VWA8: variants seen among roughly 807,000 people sequenced by gnomAD.
VWA8 encodes the protein von Willebrand factor A domain containing 8.
In VWA8, 221 loss-of-function variants were observed where a neutral mutation model predicts 241.5. The ratio of observed to expected loss-of-function variants is 0.91; its 90% CI spans 0.82 to 1.02. The LOEUF (loss-of-function observed/expected upper bound fraction) is 1.02. Ranked by LOEUF, VWA8 falls within the 50% of genes least tolerant of loss-of-function variation. The pLI, the probability that VWA8 is intolerant of heterozygous loss-of-function variation, is 0.00. For synonymous variants in VWA8, 852 were observed against 827.1 expected (o/e 1.03, Z -0.52); for missense variants, 2,322 against 2,328.7 (o/e 1.00, Z 0.06).
chr13:41,738,077 A>G (rs2045539173), intron 21 of VWA8, among the ~76,000 whole-genome samples: 1 of 152,200 alleles, frequency 6.6e-6, no homozygotes, highest in Non-Finnish European at 1.5e-5. Flanking sequence ...TAAGGAAGAC[A>G]AAAGAGCAAG....
At chr13:41,863,819 G>A (rs934894048) in intron 12 of VWA8, among the ~76,000 whole-genome samples, 2 of 152,080 alleles carry the variant, frequency 1.3e-5, no homozygotes, top group Non-Finnish European at 2.9e-5. Flanking sequence ...CTACTTGAGA[G>A]GGGGCTGTGG....
intron 16 of VWA8, among the ~76,000 whole-genome samples, chr13:41,814,388 C>G (rs1289560957): frequency 6.6e-6 from 1 of 152,140 alleles, no homozygotes; most frequent in Non-Finnish European, 1.5e-5. Flanking sequence ...AAGAGAGAAA[C>G]TAAGGGACAA....
At chr13:41,764,668 A>C (rs2045767134) in intron 20 of VWA8, among the ~76,000 whole-genome samples, 1 of 152,086 alleles carries the variant, frequency 6.6e-6, no homozygotes, top group Non-Finnish European at 1.5e-5. Context: ...ATGTGTCAAG[A>C]CTCTTGGGTA....
At chr13:41,694,296 T>G (rs900358389) in intron 29 of VWA8, among the ~76,000 whole-genome samples, 2 of 152,014 alleles carry the variant, frequency 1.3e-5, no homozygotes, top group Non-Finnish European at 2.9e-5. Context: ...TAAAATAGTA[T>G]TTGCACCATA....
At chr13:41,645,489 C>G (rs1052115306) in intron 37 of VWA8, among the ~76,000 whole-genome samples, 1 of 152,198 alleles carries the variant, frequency 6.6e-6, no homozygotes, top group African/African-American at 2.4e-5. Context: ...AAATACCAAA[C>G]TGATGTTTCC....
intron 1 of VWA8, among the ~76,000 whole-genome samples, chr13:41,959,301 T>C (rs1459085131): frequency 6.6e-6 from 1 of 152,084 alleles, no homozygotes; most frequent in African/African-American, 2.4e-5. Flanking sequence ...CAACGACCCA[T>C]GGTTAGATAG....
intron 37 of VWA8, among the ~76,000 whole-genome samples, chr13:41,616,553 T>C (rs2044621287): frequency 6.6e-6 from 1 of 152,136 alleles, no homozygotes; most frequent in South Asian, 2.1e-4. Context: ...TTTCAACTCG[T>C]TTATAAATAA....
chr13:41,885,392 T>G (rs1416318137), intron 8 of VWA8, among the ~76,000 whole-genome samples: 1 of 152,240 alleles, frequency 6.6e-6, no homozygotes, highest in African/African-American at 2.4e-5. Context: ...TCAGATCTGT[T>G]TGCATTCTCT....
chr13:41,835,641 A>G (rs1011396434), intron 12 of VWA8, among the ~76,000 whole-genome samples: 6 of 152,184 alleles, frequency 3.9e-5, no homozygotes, highest in African/African-American at 1.2e-4. Flanking sequence ...CTAGAACAGG[A>G]CAAAATCAAA....
At chr13:41,643,583 G>A (rs2044810989) in intron 37 of VWA8, among the ~76,000 whole-genome samples, 1 of 152,202 alleles carries the variant, frequency 6.6e-6, no homozygotes, top group Non-Finnish European at 1.5e-5. Flanking sequence ...GGGAGCTAAC[G>A]TTGTTTGCAT....
intron 26 of VWA8, among the ~76,000 whole-genome samples, chr13:41,707,512 A>T (rs2045290127): frequency 6.6e-6 from 1 of 152,202 alleles, no homozygotes; most frequent in African/African-American, 2.4e-5. Flanking sequence ...TCAAAAATTC[A>T]ACAATTACTA....
chr13:41,572,055 T>A (rs2044309884), intron 43 of VWA8, among the ~76,000 whole-genome samples: 3 of 150,600 alleles, frequency 2.0e-5, no homozygotes. Context: ...ATCTGGGAGG[T>A]GAGGAGTGTC....
At position 41,690,159 on chromosome 13, in the gene VWA8, T is replaced by C. The variant is rs1187633115; in HGVS notation, c.3976+7A>G. On this transcript the variant is annotated splice_region_variant and intron_variant, in intron 33 of 44. Coordinates refer to ENST00000379310, the MANE Select transcript of VWA8 (RefSeq NM_015058.2). ...ACAGCCATAAACACAGATGACATAG[T>C]ATTTACCTTGTGTAACTCCAAACCC... 1 of 1,609,992 alleles carries C rather than the reference T, an allele frequency of 6.2e-7. No individual in the cohort carries two copies. Among genetic ancestry groups the C allele is most frequent in the Non-Finnish European group, 8.5e-7 (1 of 1,177,002 alleles).
chr13:41,607,472 A>C (rs959746451), intron 39 of VWA8, among the ~76,000 whole-genome samples: 1 of 152,174 alleles, frequency 6.6e-6, no homozygotes, highest in African/African-American at 2.4e-5. Context: ...AGATTAAGTT[A>C]TGTCTCAAGT....
At chr13:41,736,829 G>A (rs74820127) in intron 21 of VWA8, among the ~76,000 whole-genome samples, 2,843 of 147,232 alleles carry the variant, frequency 0.019, 92 homozygotes, top group African/African-American at 0.065. Context: ...ATGTTTGCTC[G>A]ATATTTTTTC....
chr13:41,645,298 G>A (rs992914408), intron 37 of VWA8, among the ~76,000 whole-genome samples: 67 of 152,270 alleles, frequency 4.4e-4, no homozygotes, highest in African/African-American at 1.6e-3. Context: ...AGATATGCCA[G>A]GTATGTATCA....
intron 37 of VWA8, among the ~76,000 whole-genome samples, chr13:41,665,255 G>A (rs1013368092): frequency 6.6e-6 from 1 of 151,992 alleles, no homozygotes; most frequent in Non-Finnish European, 1.5e-5. Context: ...TGTTTACTGA[G>A]TACTTACTCT....
chr13:41,570,306 C>G (rs2044291751), intron 44 of VWA8, among the ~76,000 whole-genome samples, 162 bp downstream of exon 44: 1 of 151,846 alleles, frequency 6.6e-6, no homozygotes, highest in African/African-American at 2.4e-5. Flanking sequence ...AGAACATATC[C>G]CCTCAACTAG....
chr13:41,880,798 T>A (rs1364043867), intron 9 of VWA8, among the ~76,000 whole-genome samples: 1 of 152,194 alleles, frequency 6.6e-6, no homozygotes, highest in Non-Finnish European at 1.5e-5. Flanking sequence ...TCCCACCTGG[T>A]CAAGTTGAAG....
Sources: gnomAD v4.1 joint callset for allele counts (sites outside exome capture counted in the v4.1 genomes callset) on GRCh38, gnomAD v4.1.1 for gene constraint, MANE v1.5 for transcripts, NCBI Gene and HGNC (gene_info 2026-07-23, HGNC 2026-07-21) for gene names.